ADGRG1: variants seen among roughly 807,000 people sequenced by gnomAD.
The protein encoded by ADGRG1 is 7-transmembrane protein with no EGF-like N-terminal domains-1.
In ADGRG1, 53 loss-of-function variants were observed where a neutral mutation model predicts 73.5. That is an observed-to-expected ratio of 0.72 (90% confidence interval 0.58 to 0.91). ADGRG1 has a LOEUF of 0.91. ADGRG1 is among the 40% of genes least tolerant of loss of function. The pLI is 0.00. For synonymous variants in ADGRG1, 394 were observed against 374.4 expected (o/e 1.05, Z -0.60); for missense variants, 795 against 871.8 (o/e 0.91, Z 1.11).
At chr16:57,639,524 T>A (rs1318557085) in intron 1 of ADGRG1, 4 of 985,444 alleles carry the variant, frequency 4.1e-6, no homozygotes, top group Non-Finnish European at 4.8e-6. Flanking sequence ...TGGCCCAGCT[T>A]CAAAGTCTCT....
In ADGRG1 at chr16:57,639,740, G is replaced by A. The variant is rs374976097; in HGVS notation, c.-35-10513G>A. ...CTCCTGCTCCCTCTCCCTGCTCCCC[G>A]CTTCTCCCCTGTCTTCCTCCTTCAC... On this transcript the variant is annotated intron_variant, in intron 1 of 13. Coordinates refer to ENST00000562631, the MANE Select transcript of ADGRG1 (RefSeq NM_201525.4). 1.4e-4 allele frequency: 118 copies of A among 859,722 alleles called. No individual in the cohort carries two copies. The South Asian group carries it at 4.6e-3, about 33-fold the overall frequency. 53.3% of individuals were successfully genotyped at this position (859,722 alleles called of 1,614,324 possible).
At chr16:57,639,843 C>T in intron 1 of ADGRG1, 1 of 956,596 alleles carries the variant, frequency 1.0e-6, no homozygotes, top group African/African-American at 1.8e-5. Context: ...CATTCCCCTT[C>T]TCCCCAGCAT....
Position 57,630,699 on chromosome 16 carries a change from A to AT in ADGRG1, c.-36+1898dup, listed in dbSNP as rs2037599613. 1.6e-5 allele frequency: 4 copies of AT among 255,704 alleles called. No individual in the cohort carries two copies. In the South Asian group the frequency reaches 5.9e-4, roughly 38 times the overall value. 15.8% of individuals were successfully genotyped at this position (255,704 alleles called of 1,614,324 possible). On this transcript the variant is annotated intron_variant, in intron 1 of 13. Transcript: ENST00000562631. ...TTAGGAGGTGAGATGGAGGCGTGAG[A>AT]TAAGCTTGCTAACAGAGGGCCCAGA...
chr16:57,656,296 T>C, intron 8 of ADGRG1, 25 bp downstream of exon 8: 9 of 1,553,110 alleles, frequency 5.8e-6, no homozygotes, highest in Non-Finnish European at 7.9e-6. Context: ...GTCTCTGGGC[T>C]GGACAAGTAT....
chr16:57,647,988 G>T (rs143217367), intron 1 of ADGRG1: 1 of 154,670 alleles, frequency 6.5e-6, no homozygotes, highest in South Asian at 2.1e-4. Flanking sequence ...GACAGTGAAG[G>T]CTCACTTTGA....
intron 1 of ADGRG1, chr16:57,642,730 A>G: frequency 1.3e-6 from 1 of 757,718 alleles, no homozygotes; most frequent in Non-Finnish European, 1.6e-6. Flanking sequence ...GAGAAGAGAA[A>G]GAACTCAGAA....
At chr16:57,644,432 C>A (rs1168755359) in intron 1 of ADGRG1, among the ~76,000 whole-genome samples, 1 of 146,216 alleles carries the variant, frequency 6.8e-6, no homozygotes, top group Non-Finnish European at 1.5e-5. Context: ...GTCACACACT[C>A]CTCACACATT....
At chr16:57,653,480 G>A in intron 4 of ADGRG1, 145 bp downstream of exon 4, 6 of 1,483,796 alleles carry the variant, frequency 4.0e-6, no homozygotes, top group Non-Finnish European at 5.4e-6. Flanking sequence ...TGCCTTCTGG[G>A]AGTCAACACA....
intron 1 of ADGRG1, chr16:57,637,414 G>A (rs2039626973): frequency 1.0e-6 from 1 of 985,166 alleles, no homozygotes; most frequent in Non-Finnish European, 1.2e-6. Flanking sequence ...GGTTGCTGTT[G>A]TAAGTGAGTG....
In ADGRG1 at chr16:57,659,306, G is replaced by A. The variant is rs890646487; in HGVS notation, c.1287-107G>A. On this transcript the variant is annotated intron_variant, in intron 10 of 13. Coordinates refer to ENST00000562631, the MANE Select transcript of ADGRG1 (RefSeq NM_201525.4). Reference sequence around the variant, plus strand: ...ATAGGGGCCATGTATGACTGCATGTGTGTGTCGGGGTGGGGGGCAGTCTGG... The same window carrying A: ...ATAGGGGCCATGTATGACTGCATGTATGTGTCGGGGTGGGGGGCAGTCTGG... The A allele has an allele frequency of 6.9e-6, 11 of 1,592,616 alleles. No homozygotes were observed. In the African/African-American group the frequency reaches 1.2e-4, roughly 17 times the overall value.
At chr16:57,653,635 T>C (rs1458005130) in intron 4 of ADGRG1, 4 of 958,952 alleles carry the variant, frequency 4.2e-6, no homozygotes, top group Non-Finnish European at 5.0e-6. Context: ...GCAGAGCCGC[T>C]CCAAGGCCAC....
At position 57,644,958 on chromosome 16, in the gene ADGRG1, ACACT is replaced by A. The variant is rs1230398137; in HGVS notation, c.-35-5292_-35-5289del. The A allele has an allele frequency of 1.9e-4, 95 of 504,274 alleles. No individual in the cohort carries two copies. In the East Asian group the frequency reaches 3.9e-3, roughly 21 times the overall value. The allele number at this position is 504,274 out of a possible 1,614,324, so 31.2% of individuals were successfully genotyped here. On this transcript the variant is annotated intron_variant, in intron 1 of 13. Coordinates refer to ENST00000562631, the MANE Select transcript of ADGRG1 (RefSeq NM_201525.4). The stretch of plus-strand genomic sequence containing the variant: ...TCATGCACGGGCACCCACTGATCAC[ACACT>A]CATGCATGGGCACACACCCCCATGC...
chr16:57,635,471 T>G, intron 1 of ADGRG1: 2 of 985,416 alleles, frequency 2.0e-6, no homozygotes, highest in Non-Finnish European at 2.4e-6. Flanking sequence ...ACAGCCAGTG[T>G]CTCTTCATGG....
At chr16:57,645,343 G>T in intron 1 of ADGRG1, 4 of 984,876 alleles carry the variant, frequency 4.1e-6, no homozygotes, top group Non-Finnish European at 4.8e-6. Flanking sequence ...GGGCTCCCTC[G>T]TTCCTCCCTC....
upstream of ADGRG1, chr16:57,627,180 G>A (rs564707319): frequency 4.3e-6 from 3 of 703,692 alleles, no homozygotes; most frequent in South Asian, 1.9e-4. Flanking sequence ...GAGGAGTGCA[G>A]TTCACCTGCA....
intron 1 of ADGRG1, chr16:57,647,243 G>C: frequency 1.0e-6 from 1 of 985,426 alleles, no homozygotes; most frequent in Non-Finnish European, 1.2e-6. Context: ...TTCTGGAGGA[G>C]GGAAGTTTTC....
chr16:57,658,984 A>G, intron 10 of ADGRG1: 1 of 985,176 alleles, frequency 1.0e-6, no homozygotes, highest in Non-Finnish European at 1.2e-6. Flanking sequence ...TGACTTGCAA[A>G]CCTCAGACAG....
At chr16:57,656,080 T>C in intron 7 of ADGRG1, 88 bp downstream of exon 7, 1 of 1,613,540 alleles carries the variant, frequency 6.2e-7, no homozygotes, top group Non-Finnish European at 8.5e-7. Context: ...TTTGTCTTTA[T>C]AATGAAACGA....
chr16:57,634,328 A>G, intron 1 of ADGRG1: 1 of 985,374 alleles, frequency 1.0e-6, no homozygotes, highest in African/African-American at 1.7e-5. Flanking sequence ...GGTGAGCCCA[A>G]GGGGCTGGCA....
Sources: gnomAD v4.1 joint callset for allele counts (sites outside exome capture counted in the v4.1 genomes callset) on GRCh38, gnomAD v4.1.1 for gene constraint, MANE v1.5 for transcripts, NCBI Gene and HGNC (gene_info 2026-07-23, HGNC 2026-07-21) for gene names.